Variants in NCOA6 observed in about 807,000 individuals in gnomAD.
NCOA6 encodes the protein NRC RAP250.
NCOA6 carries 49 observed loss-of-function variants against 171.4 expected under a neutral mutation model. The ratio of observed to expected loss-of-function variants is 0.29; its 90% CI spans 0.23 to 0.36. The LOEUF (loss-of-function observed/expected upper bound fraction) is 0.36, where lower values mean the gene tolerates loss of function less well. Ranked by LOEUF, NCOA6 falls within the 10% of genes least tolerant of loss-of-function variation. The pLI, the probability that NCOA6 is intolerant of heterozygous loss-of-function variation, is 1.00. For missense variants in NCOA6, 2,248 were observed against 2,554.5 expected, an observed-to-expected ratio of 0.88 and a Z score of 2.59; for synonymous variants, 910 against 927.5, an observed-to-expected ratio of 0.98 and a Z score of 0.34.
At chr20:34,813,717 G>A (rs1026907828) in intron 1 of NCOA6, among the ~76,000 whole-genome samples, 3 of 151,972 alleles carry the variant, frequency 2.0e-5, no homozygotes, top group African/African-American at 4.8e-5. Context: ...TATAGATGGT[G>A]AGTATAAGGG....
intron 14 of NCOA6, among the ~76,000 whole-genome samples, chr20:34,722,487 C>T (rs1223305860): frequency 1.3e-5 from 2 of 151,850 alleles, no homozygotes; most frequent in Non-Finnish European, 1.5e-5. Flanking sequence ...CAAGATCAGC[C>T]TGGGCACACA....
chr20:34,745,716 T>A (rs1462376840), intron 10 of NCOA6, among the ~76,000 whole-genome samples: 1 of 151,256 alleles, frequency 6.6e-6, no homozygotes. Context: ...CAGGGGAGAG[T>A]GGCCTAAGTG....
intron 4 of NCOA6, among the ~76,000 whole-genome samples, chr20:34,768,818 T>A (rs1256161715): frequency 6.6e-6 from 1 of 152,104 alleles, no homozygotes; most frequent in East Asian, 1.9e-4. Context: ...GGAAGCAGGG[T>A]GACCATGAAT....
intron 1 of NCOA6, among the ~76,000 whole-genome samples, chr20:34,813,306 A>T (rs1244749980): frequency 6.6e-6 from 1 of 151,874 alleles, no homozygotes; most frequent in African/African-American, 2.4e-5. Context: ...TCTCTACTGA[A>T]AATATAAAAA....
chr20:34,753,488 C>T (rs2076552894), intron 8 of NCOA6, among the ~76,000 whole-genome samples: 1 of 151,684 alleles, frequency 6.6e-6, no homozygotes, highest in Admixed American at 6.6e-5. Context: ...TGGTCAAATC[C>T]CGTCTCTACT....
At chr20:34,773,284 G>A (rs1302157513) in intron 4 of NCOA6, among the ~76,000 whole-genome samples, 1 of 152,156 alleles carries the variant, frequency 6.6e-6, no homozygotes, top group Admixed American at 6.5e-5. Context: ...TGAATTTACA[G>A]AGGGGGCACA....
chr20:34,784,914 T>C (rs924008187), intron 2 of NCOA6, among the ~76,000 whole-genome samples: 2 of 151,444 alleles, frequency 1.3e-5, no homozygotes, highest in African/African-American at 4.9e-5. Flanking sequence ...AACCCCGTCT[T>C]TACTGAAAAT....
At chr20:34,759,168 T>G (rs776718695) in intron 5 of NCOA6, among the ~76,000 whole-genome samples, 1 of 151,884 alleles carries the variant, frequency 6.6e-6, no homozygotes. Flanking sequence ...CATGGGCACA[T>G]GCCACTGGGA....
intron 1 of NCOA6, among the ~76,000 whole-genome samples, chr20:34,803,505 ATG>A (rs1254424424): frequency 3.3e-5 from 5 of 151,962 alleles, no homozygotes; most frequent in Admixed American, 3.3e-4. Flanking sequence ...ACAAAGTGAA[ATG>A]TGTCTTTTTT....
chr20:34,745,521 T>C (rs1021483090), intron 10 of NCOA6, among the ~76,000 whole-genome samples: 5 of 152,228 alleles, frequency 3.3e-5, no homozygotes, highest in African/African-American at 1.2e-4. Flanking sequence ...CCAAATAATT[T>C]GTAATAAATA....
At chr20:34,796,747 C>T (rs1250633676) in intron 1 of NCOA6, among the ~76,000 whole-genome samples, 2 of 151,760 alleles carry the variant, frequency 1.3e-5, no homozygotes, top group South Asian at 2.1e-4. Flanking sequence ...CTGCAGTGTG[C>T]CATGATCAGC....
intron 4 of NCOA6, among the ~76,000 whole-genome samples, chr20:34,775,853 A>G (rs888319150): frequency 6.6e-6 from 1 of 152,160 alleles, no homozygotes; most frequent in Non-Finnish European, 1.5e-5. Flanking sequence ...GTATAGGTGT[A>G]GTCCCAGCTA....
Position 34,741,637 on chromosome 20 carries a change from G to A in NCOA6, c.4619C>T (p.Ser1540Phe). Residue 1540 changes from serine to phenylalanine, a missense_variant, in exon 11 of 15, where the codon TCT becomes TTT. By Grantham distance (155) the Ser-to-Phe change is radical (BLOSUM62 -2). Around this residue, in one of 7 missense-constraint regions of NCOA6, gnomAD observed 884 missense variants for 941.9 expected, o/e 0.94. Transcript: ENST00000359003. The part of the protein sequence containing the change: ...VIPTLQDLSS[S>F]KEPSNSLNLP... ...GTTTAGGGAATTAGAAGGTTCTTTA[G>A]AAGAAGACAGATCCTGCAGTGTGGG... The A allele has an allele frequency of 6.2e-7, 1 of 1,614,200 alleles. No homozygotes were observed. Among genetic ancestry groups the A allele is most frequent in the Non-Finnish European group, 8.5e-7 (1 of 1,180,036 alleles).
chr20:34,775,663 ACT>A (rs1167404353), intron 4 of NCOA6, among the ~76,000 whole-genome samples: 8 of 113,478 alleles, frequency 7.0e-5, no homozygotes, highest in South Asian at 5.5e-4. Flanking sequence ...CCATCCTGGG[ACT>A]CTGTCTCAAA....
intron 11 of NCOA6, 102 bp from the exon 12 acceptor site, chr20:34,736,860 C>CTCTT: frequency 2.0e-6 from 2 of 988,596 alleles, no homozygotes; most frequent in Non-Finnish European, 2.9e-6. Context: ...AAACAATGTA[C>CTCTT]TCTTAGAGGG....
chr20:34,751,137 G>A (rs554178676), intron 8 of NCOA6, among the ~76,000 whole-genome samples: 3 of 151,870 alleles, frequency 2.0e-5, no homozygotes, highest in Admixed American at 1.3e-4. Context: ...TTGGGAGGCC[G>A]AGGCGGGTGG....
chr20:34,824,900 C>A (rs2079105136), intron 1 of NCOA6, among the ~76,000 whole-genome samples: 1 of 152,136 alleles, frequency 6.6e-6, no homozygotes, highest in Non-Finnish European at 1.5e-5. Context: ...CTCCTTCCCT[C>A]CCAGCAAAGA....
chr20:34,749,281 A>G, intron 9 of NCOA6, 122 bp downstream of exon 9: 4 of 1,204,430 alleles, frequency 3.3e-6, no homozygotes, highest in Non-Finnish European at 4.6e-6. Context: ...GTTGATAATT[A>G]TTGAAGCAGG....
At position 34,741,618 on chromosome 20, in the gene NCOA6, G is replaced by C; in HGVS notation, c.4638C>G (p.Ser1546=). 9 of 1,614,166 alleles carry C rather than the reference G, an allele frequency of 5.6e-6. No individual in the cohort carries two copies. The highest frequency in any genetic ancestry group is 7.6e-6 in the Non-Finnish European group (9 of 1,180,034). The change falls in exon 11 of 15, where the codon TCC becomes TCG. Residue 1546 remains serine (S), a synonymous_variant. Transcript: ENST00000359003. ...GCTCATTACTGTGAGGTAAGTTTAGGGAATTAGAAGGTTCTTTAGAAGAAG... is the reference window on the plus strand; with the variant it reads ...GCTCATTACTGTGAGGTAAGTTTAGCGAATTAGAAGGTTCTTTAGAAGAAG... ...DLSSSKEPSN[S]LNLPHSNELC...
Sources: gnomAD v4.1 joint callset for allele counts (sites outside exome capture counted in the v4.1 genomes callset) on GRCh38, gnomAD v4.1.1 for gene constraint, gnomAD v4.1.1 regional missense constraint, MANE v1.5 for transcripts, NCBI Gene and HGNC (gene_info 2026-07-23, HGNC 2026-07-21) for gene names.